The following SORCS2 variants were observed in gnomAD, a reference collection of about 807,000 sequenced individuals.
The protein encoded by SORCS2 is VPS10 domain-containing receptor SorCS2.
Under a neutral mutation model 141.6 loss-of-function variants are expected in SORCS2, and 100 were observed. The observed-to-expected ratio is 0.71, with a 90% confidence interval of 0.60 to 0.83. SORCS2 has a LOEUF of 0.83. SORCS2 is among the 40% of genes least tolerant of loss of function. The probability of loss-of-function intolerance (pLI) is 0.00; values close to 1 mark genes in which losing one functional copy is unlikely to be tolerated. For synonymous variants in SORCS2, 789 were observed against 676.9 expected, an observed-to-expected ratio of 1.17 and a Z score of -2.57; for missense variants, 1,646 against 1,560.2, an observed-to-expected ratio of 1.05 and a Z score of -0.93.
chr4:7,655,663 C>T (rs1030560061), intron 5 of SORCS2, among the ~76,000 whole-genome samples: 1 of 152,244 alleles, frequency 6.6e-6, no homozygotes, highest in African/African-American at 2.4e-5. Flanking sequence ...CGGTTCCTCC[C>T]TCGGAAACCA....
intron 1 of SORCS2, among the ~76,000 whole-genome samples, 179 bp from the exon 2 acceptor site, chr4:7,396,109 G>A (rs1324213049): frequency 1.3e-5 from 2 of 152,212 alleles, no homozygotes; most frequent in Admixed American, 1.3e-4. Flanking sequence ...ATAAGCCCAC[G>A]TCTAAGGGCT....
chr4:7,529,605 C>T (rs1463548786), intron 2 of SORCS2, among the ~76,000 whole-genome samples: 3 of 152,064 alleles, frequency 2.0e-5, no homozygotes, highest in Non-Finnish European at 4.4e-5. Context: ...ATTTGGGAGG[C>T]GGGATCGATA....
intron 1 of SORCS2, among the ~76,000 whole-genome samples, chr4:7,275,227 T>G (rs1252270055): frequency 6.6e-6 from 1 of 152,124 alleles, no homozygotes; most frequent in Non-Finnish European, 1.5e-5. Flanking sequence ...AGGCACCCAC[T>G]CAGAAAACAA....
At chr4:7,421,850 G>A (rs890735846) in intron 2 of SORCS2, among the ~76,000 whole-genome samples, 1 of 151,704 alleles carries the variant, frequency 6.6e-6, no homozygotes, top group South Asian at 2.1e-4. Flanking sequence ...AAATCCAGTG[G>A]GCTTGCAGGA....
At chr4:7,550,132 ATGTG>A (rs36213889) in intron 3 of SORCS2, among the ~76,000 whole-genome samples, 1,591 of 142,244 alleles carry the variant, frequency 0.011, 31 homozygotes, top group Admixed American at 0.038. Flanking sequence ...GTATGTGTGT[ATGTG>A]TGTGTGTGTG....
intron 2 of SORCS2, chr4:7,433,776 GT>G: frequency 4.3e-6 from 7 of 1,613,508 alleles, no homozygotes; most frequent in Non-Finnish European, 5.9e-6. Context: ...CCCGCCTCCG[GT>G]TGCCACACAG....
intron 1 of SORCS2, among the ~76,000 whole-genome samples, chr4:7,365,645 C>A (rs1180667748): frequency 1.3e-5 from 2 of 152,210 alleles, no homozygotes; most frequent in Non-Finnish European, 2.9e-5. Flanking sequence ...CCTGCCCGCC[C>A]AACAGCTGCT....
chr4:7,686,635 C>T (rs1250452026), intron 10 of SORCS2, among the ~76,000 whole-genome samples: 1 of 152,254 alleles, frequency 6.6e-6, no homozygotes, highest in African/African-American at 2.4e-5. Context: ...TGACCACATG[C>T]ACCCAAGGCG....
At chr4:7,435,973 T>G (rs371160736) in intron 2 of SORCS2, among the ~76,000 whole-genome samples, 1 of 152,230 alleles carries the variant, frequency 6.6e-6, no homozygotes, top group African/African-American at 2.4e-5. Flanking sequence ...TTCCCAGTTA[T>G]GTGGGTCGGG....
At position 7,706,718 on chromosome 4, in the gene SORCS2, G is replaced by C. The variant is rs937357234; in HGVS notation, c.1868+2434G>C. Among the ~76,000 whole-genome samples, 4 of 143,604 alleles carry C rather than the reference G, an allele frequency of 2.8e-5. 1 individual carries two copies. The highest frequency in any genetic ancestry group is 7.6e-3 in the Middle Eastern group (2 of 264). The allele number at this position is 143,604 out of a possible 152,430, so 94.2% of individuals were successfully genotyped here. A position where few individuals can be genotyped will look rare whatever the true frequency, so the allele number is the denominator to read the frequency against. On this transcript the variant is annotated intron_variant, in intron 14 of 26. Coordinates refer to ENST00000507866, the MANE Select transcript of SORCS2 (RefSeq NM_020777.3). ...TGAGGCTGGGCTCTGCCTGGACAGAGATGAGGCTGGGCTCTGCCTGGGCAG... is the reference window on the plus strand; with the variant it reads ...TGAGGCTGGGCTCTGCCTGGACAGACATGAGGCTGGGCTCTGCCTGGGCAG...
In SORCS2 at chr4:7,740,228, C is replaced by A; in HGVS notation, c.3444C>A (p.Ile1148=). The A allele has an allele frequency of 6.2e-7, 1 of 1,609,856 alleles. No individual in the cohort carries two copies. Among genetic ancestry groups the A allele is most frequent in the Non-Finnish European group, 8.5e-7 (1 of 1,179,478 alleles). Residue 1148 remains isoleucine, a synonymous_variant, in exon 27 of 27, where the codon ATC becomes ATA. Transcript: ENST00000507866. ...ACCACTCAGGCGTGGTCCTGAGCATCAACTCCCGAGAGATGCACAGCTACC... is the reference window on the plus strand; with the variant it reads ...ACCACTCAGGCGTGGTCCTGAGCATAAACTCCCGAGAGATGCACAGCTACC... The part of the protein sequence containing the change: ...QGNHSGVVLS[I]NSREMHSYLV...
At chr4:7,414,970 G>C (rs796644525) in intron 2 of SORCS2, among the ~76,000 whole-genome samples, 1 of 151,918 alleles carries the variant, frequency 6.6e-6, no homozygotes, top group South Asian at 2.1e-4. Context: ...TAAGGGGTCA[G>C]TTGGAGTTTG....
intron 2 of SORCS2, among the ~76,000 whole-genome samples, chr4:7,516,353 C>T (rs780434660): frequency 2.5e-4 from 38 of 152,172 alleles, no homozygotes; most frequent in Non-Finnish European, 4.6e-4. Flanking sequence ...CCTCTCCTCT[C>T]TGAACCTCCC....
At chr4:7,619,300 T>G (rs1718985922) in intron 3 of SORCS2, among the ~76,000 whole-genome samples, 1 of 152,210 alleles carries the variant, frequency 6.6e-6, no homozygotes, top group Non-Finnish European at 1.5e-5. Context: ...CAACATTGTT[T>G]CCCTCCATTA....
chr4:7,209,899 G>C (rs1727964488), intron 1 of SORCS2, among the ~76,000 whole-genome samples: 2 of 152,218 alleles, frequency 1.3e-5, no homozygotes, highest in Non-Finnish European at 2.9e-5. Context: ...ATTTAGCAGT[G>C]AGCTATGGCT....
At chr4:7,243,158 G>T (rs1056697932) in intron 1 of SORCS2, among the ~76,000 whole-genome samples, 1 of 152,192 alleles carries the variant, frequency 6.6e-6, no homozygotes, top group Non-Finnish European at 1.5e-5. Flanking sequence ...AGCTCTGGGG[G>T]ATTGCACTTA....
chr4:7,267,296 C>G (rs929262992), intron 1 of SORCS2, among the ~76,000 whole-genome samples: 2 of 152,130 alleles, frequency 1.3e-5, no homozygotes, highest in Non-Finnish European at 2.9e-5. Flanking sequence ...ATTTTCAATT[C>G]TTAGCACAAA....
chr4:7,220,746 C>A (rs1298601749), intron 1 of SORCS2, among the ~76,000 whole-genome samples: 1 of 152,082 alleles, frequency 6.6e-6, no homozygotes, highest in Non-Finnish European at 1.5e-5. Context: ...CAGGTGCGTC[C>A]CAGGTGTGAA....
chr4:7,425,453 T>G (rs1577539428), intron 2 of SORCS2, among the ~76,000 whole-genome samples: 1 of 152,312 alleles, frequency 6.6e-6, no homozygotes, highest in Middle Eastern at 3.4e-3. Flanking sequence ...AGAAACTGGT[T>G]TGGGAGTGGC....
Sources: gnomAD v4.1 joint callset for allele counts (sites outside exome capture counted in the v4.1 genomes callset) on GRCh38, gnomAD v4.1.1 for gene constraint, MANE v1.5 for transcripts, NCBI Gene and HGNC (gene_info 2026-07-23, HGNC 2026-07-21) for gene names.